MRAP2: variants seen among roughly 807,000 people sequenced by gnomAD.
The protein encoded by MRAP2 is melanocortin 2 receptor accessory protein 2, also known as melanocortin-2 receptor accessory protein 2.
In MRAP2, 20 loss-of-function variants were observed where a neutral mutation model predicts 17.4. The observed-to-expected ratio is 1.15, with a 90% CI of 0.81 to 1.67. MRAP2 has a LOEUF of 1.67. Ranked by LOEUF, MRAP2 falls within the 40% of genes most tolerant of loss-of-function variation. The pLI, the probability that MRAP2 is intolerant of heterozygous loss-of-function variation, is 0.00. For synonymous variants in MRAP2, 96 were observed against 88.4 expected, an observed-to-expected ratio of 1.09 and a Z score of -0.48; for missense variants, 238 against 240.0, an observed-to-expected ratio of 0.99 and a Z score of 0.05.
At chr6:84,071,475 A>G (rs911042406) in intron 3 of MRAP2, among the ~76,000 whole-genome samples, 8 of 152,148 alleles carry the variant, frequency 5.3e-5, no homozygotes, top group Non-Finnish European at 1.0e-4. Context: ...TTTTTCCTTT[A>G]TAGGTTACCT....
At chr6:84,106,190 T>G in the MRAP2 span, among the ~76,000 whole-genome samples, 1 of 152,318 alleles carries the variant, frequency 6.6e-6, no homozygotes, top group South Asian at 2.1e-4. Flanking sequence ...CCATGAACAT[T>G]AGGCCACTGA....
chr6:84,096,954 G>A, the MRAP2 span, among the ~76,000 whole-genome samples: 1 of 152,140 alleles, frequency 6.6e-6, no homozygotes, highest in Non-Finnish European at 1.5e-5. Flanking sequence ...AATAACAGGT[G>A]ACATTTATTA....
intron 3 of MRAP2, among the ~76,000 whole-genome samples, chr6:84,069,955 TA>T (rs2099495782): frequency 6.6e-6 from 1 of 152,222 alleles, no homozygotes; most frequent in Non-Finnish European, 1.5e-5. Flanking sequence ...TTCATTTTTT[TA>T]ATGAGGTTAT....
chr6:84,058,281 G>A (rs2099492190), intron 2 of MRAP2, among the ~76,000 whole-genome samples: 1 of 152,190 alleles, frequency 6.6e-6, no homozygotes, highest in African/African-American at 2.4e-5. Flanking sequence ...AGCCAGGTAG[G>A]GAGAGTGAAG....
chr6:84,128,309 A>T, the MRAP2 span, among the ~76,000 whole-genome samples: 3 of 152,216 alleles, frequency 2.0e-5, no homozygotes, highest in Admixed American at 6.5e-5. Flanking sequence ...CATATATTTT[A>T]AAAATCCTTG....
At chr6:84,066,364 AGT>A (rs1181720766) in intron 3 of MRAP2, among the ~76,000 whole-genome samples, 2 of 152,242 alleles carry the variant, frequency 1.3e-5, no homozygotes, top group African/African-American at 4.8e-5. Context: ...ATTTGGTTGC[AGT>A]ATATCATAAT....
intron 3 of MRAP2, among the ~76,000 whole-genome samples, chr6:84,079,917 T>A (rs1259996745): frequency 6.6e-6 from 1 of 152,210 alleles, no homozygotes; most frequent in Non-Finnish European, 1.5e-5. Context: ...ATGGCCTTTG[T>A]GCAAGATTAT....
At chr6:84,138,289 CTG>C in the MRAP2 span, among the ~76,000 whole-genome samples, 1 of 152,180 alleles carries the variant, frequency 6.6e-6, no homozygotes, top group Non-Finnish European at 1.5e-5. Flanking sequence ...GCACTACAGA[CTG>C]TGATTTCTGG....
At chr6:84,125,731 T>C in the MRAP2 span, among the ~76,000 whole-genome samples, 11 of 152,106 alleles carry the variant, frequency 7.2e-5, no homozygotes, top group Admixed American at 7.2e-4. Flanking sequence ...ATCTGCAAGC[T>C]GGAAAGAGAG....
the MRAP2 span, among the ~76,000 whole-genome samples, chr6:84,141,432 C>T: frequency 6.6e-6 from 1 of 152,078 alleles, no homozygotes; most frequent in South Asian, 2.1e-4. Flanking sequence ...TAAATTCCTC[C>T]TTACCTACCT....
At chr6:84,055,877 G>A (rs1458953206) in intron 2 of MRAP2, among the ~76,000 whole-genome samples, 1 of 152,182 alleles carries the variant, frequency 6.6e-6, no homozygotes, top group Non-Finnish European at 1.5e-5. Context: ...GGAGAGCAGT[G>A]TATCCATGTG....
chr6:84,141,676 G>A, the MRAP2 span, among the ~76,000 whole-genome samples: 1 of 152,112 alleles, frequency 6.6e-6, no homozygotes, highest in Admixed American at 6.6e-5. Flanking sequence ...ATCCAGGGCC[G>A]GGGTGTATAG....
At chr6:84,092,152 C>G (rs1173603108), downstream of MRAP2, among the ~76,000 whole-genome samples, 1 of 152,192 alleles carries the variant, frequency 6.6e-6, no homozygotes, top group Non-Finnish European at 1.5e-5. Flanking sequence ...CTGCTTCTCT[C>G]TTATAAGGAC....
chr6:84,045,528 C>T, intron 1 of MRAP2, among the ~76,000 whole-genome samples: 1 of 152,000 alleles, frequency 6.6e-6, no homozygotes, highest in East Asian at 1.9e-4. Flanking sequence ...TTTGGGAGGC[C>T]AGGGTGGGTG....
the MRAP2 span, among the ~76,000 whole-genome samples, chr6:84,101,485 T>C: frequency 6.6e-6 from 1 of 152,230 alleles, no homozygotes; most frequent in Non-Finnish European, 1.5e-5. Flanking sequence ...AGTGTGACAC[T>C]CACCTTGGGT....
the MRAP2 span, among the ~76,000 whole-genome samples, chr6:84,109,526 T>C: frequency 1.3e-5 from 2 of 152,176 alleles, no homozygotes; most frequent in South Asian, 4.1e-4. Flanking sequence ...TGATTTTGTA[T>C]ACCGAAGTTG....
At chr6:84,073,301 T>C (rs1290445084) in intron 3 of MRAP2, among the ~76,000 whole-genome samples, 1 of 152,190 alleles carries the variant, frequency 6.6e-6, no homozygotes, top group Non-Finnish European at 1.5e-5. Context: ...GCTCTCTAAA[T>C]TGACTCAGCT....
chr6:84,103,111 G>A, the MRAP2 span, among the ~76,000 whole-genome samples: 3 of 152,210 alleles, frequency 2.0e-5, no homozygotes, highest in Non-Finnish European at 2.9e-5. Flanking sequence ...GCTGAATAGA[G>A]ATGATGAAAC....
chr6:84,081,747 G>C (rs1420637600), intron 3 of MRAP2, among the ~76,000 whole-genome samples: 1 of 152,202 alleles, frequency 6.6e-6, no homozygotes, highest in Non-Finnish European at 1.5e-5. Flanking sequence ...TAAACTGGGA[G>C]GCAGAGGTTG....
Sources: gnomAD v4.1 joint callset for allele counts (sites outside exome capture counted in the v4.1 genomes callset) on GRCh38, gnomAD v4.1.1 for gene constraint, MANE v1.5 for transcripts, NCBI Gene and HGNC (gene_info 2026-07-23, HGNC 2026-07-21) for gene names.